The following GPM6A variants were observed in gnomAD, a reference collection of about 807,000 sequenced individuals.
The protein encoded by GPM6A is glycoprotein M6A, also known as neuronal membrane glycoprotein M6-a.
A neutral mutation model predicts 32.1 loss-of-function variants in GPM6A; 7 were observed. The observed-to-expected ratio is 0.22, with a 90% CI of 0.12 to 0.41. The LOEUF (loss-of-function observed/expected upper bound fraction) is 0.41, where lower values mean the gene tolerates loss of function less well. GPM6A is among the 10% of genes least tolerant of loss of function. The probability of loss-of-function intolerance (pLI) is 1.00; values close to 1 mark genes in which losing one functional copy is unlikely to be tolerated. For missense variants in GPM6A, 235 were observed against 347.2 expected, an observed-to-expected ratio of 0.68 and a Z score of 2.57; for synonymous variants, 130 against 123.4, an observed-to-expected ratio of 1.05 and a Z score of -0.35.
At chr4:175,873,661 C>T (rs1221939761) in intron 1 of GPM6A, among the ~76,000 whole-genome samples, 2 of 152,090 alleles carry the variant, frequency 1.3e-5, no homozygotes, top group African/African-American at 4.8e-5. Context: ...TTACAAAAAA[C>T]TTTGTTCTCC....
chr4:175,871,855 ATTTTATTTC>A (rs1736921313), intron 1 of GPM6A, among the ~76,000 whole-genome samples: 1 of 152,172 alleles, frequency 6.6e-6, no homozygotes. Context: ...GAAATAAAAA[ATTTTATTTC>A]TTTTTTTTCC....
At chr4:175,706,399 C>A (rs1288882517) in intron 1 of GPM6A, among the ~76,000 whole-genome samples, 4 of 151,982 alleles carry the variant, frequency 2.6e-5, no homozygotes, top group African/African-American at 9.7e-5. Flanking sequence ...GAACCTAAAC[C>A]AATAAGAAAA....
chr4:175,721,148 A>AATATATATATATAT (rs3032644), intron 1 of GPM6A, among the ~76,000 whole-genome samples: 9,264 of 134,780 alleles, frequency 0.069, 407 homozygotes, highest in Non-Finnish European at 0.095. Flanking sequence ...TATATATTCT[A>AATATATATATATAT]ATATATATAT....
At chr4:175,970,505 G>T (rs543216508) in intron 1 of GPM6A, among the ~76,000 whole-genome samples, 1 of 152,280 alleles carries the variant, frequency 6.6e-6, no homozygotes, top group Non-Finnish European at 1.5e-5. Context: ...ACTGACAAAC[G>T]TTTATAAAAT....
intron 2 of GPM6A, among the ~76,000 whole-genome samples, chr4:175,681,547 G>T (rs912594778): frequency 1.3e-5 from 2 of 152,062 alleles, no homozygotes; most frequent in African/African-American, 4.8e-5. Flanking sequence ...CATGTTGATT[G>T]TAATCCCCAA....
intron 1 of GPM6A, among the ~76,000 whole-genome samples, chr4:175,987,528 G>GTA (rs995814235): frequency 6.9e-6 from 1 of 144,982 alleles, no homozygotes; most frequent in African/African-American, 2.7e-5. Flanking sequence ...GTGTGTTTGT[G>GTA]TGTGTGTGTG....
chr4:175,780,775 C>T (rs1733585973), intron 1 of GPM6A, among the ~76,000 whole-genome samples: 1 of 152,140 alleles, frequency 6.6e-6, no homozygotes, highest in Admixed American at 6.5e-5. Flanking sequence ...ACTAATTTAA[C>T]AATCAGTCCC....
chr4:175,901,517 C>G (rs1180778003), intron 1 of GPM6A, among the ~76,000 whole-genome samples: 1 of 151,346 alleles, frequency 6.6e-6, no homozygotes, highest in Non-Finnish European at 1.5e-5. Flanking sequence ...GAATTAAACA[C>G]CAAAGGTTAG....
intron 1 of GPM6A, among the ~76,000 whole-genome samples, chr4:175,892,858 C>T (rs1737687897): frequency 6.6e-6 from 1 of 152,120 alleles, no homozygotes; most frequent in African/African-American, 2.4e-5. Flanking sequence ...GATTTTCTTC[C>T]AGGGTTTCAA....
At chr4:175,760,576 A>T (rs1276909398) in intron 1 of GPM6A, among the ~76,000 whole-genome samples, 1 of 152,226 alleles carries the variant, frequency 6.6e-6, no homozygotes, top group South Asian at 2.1e-4. Context: ...TCAAATGCAG[A>T]TTATAAAGAT....
At chr4:175,880,234 C>A (rs1737226581) in intron 1 of GPM6A, among the ~76,000 whole-genome samples, 1 of 152,130 alleles carries the variant, frequency 6.6e-6, no homozygotes, top group South Asian at 2.1e-4. Context: ...CTGTTCTGTT[C>A]CATTGGTGTA....
At chr4:175,991,178 G>A (rs530000543) in intron 1 of GPM6A, among the ~76,000 whole-genome samples, 4 of 147,410 alleles carry the variant, frequency 2.7e-5, no homozygotes, top group South Asian at 4.3e-4. Context: ...CGATTCTCCT[G>A]CCTCAGCCTC....
chr4:175,902,239 C>CA (rs1381699855), intron 1 of GPM6A, among the ~76,000 whole-genome samples: 14 of 151,996 alleles, frequency 9.2e-5, no homozygotes, highest in African/African-American at 3.1e-4. Flanking sequence ...AAAAGCTGAA[C>CA]AAAAAGAATA....
intron 1 of GPM6A, among the ~76,000 whole-genome samples, chr4:175,928,570 G>C (rs959230559): frequency 2.6e-5 from 4 of 152,154 alleles, no homozygotes; most frequent in African/African-American, 9.7e-5. Flanking sequence ...CAAAAGAGGA[G>C]TGTATTGCAG....
intron 1 of GPM6A, among the ~76,000 whole-genome samples, chr4:175,896,372 A>G (rs144061671): frequency 6.6e-6 from 1 of 152,258 alleles, no homozygotes; most frequent in East Asian, 1.9e-4. Flanking sequence ...TAAATGCACC[A>G]GAAAATTATC....
intron 1 of GPM6A, among the ~76,000 whole-genome samples, chr4:175,953,685 T>C (rs1739892548): frequency 6.6e-6 from 1 of 152,034 alleles, no homozygotes; most frequent in South Asian, 2.1e-4. Context: ...GCGGATCACC[T>C]AAGGTCGGGA....
chr4:175,696,086 T>C (rs999749046), intron 2 of GPM6A, among the ~76,000 whole-genome samples: 1 of 152,160 alleles, frequency 6.6e-6, no homozygotes, highest in African/African-American at 2.4e-5. Flanking sequence ...GTAGATGTCA[T>C]TATTATCATA....
chr4:175,672,452 A>G lies in GPM6A; in HGVS notation c.387+1228T>C, dbSNP rs1209481253. On this transcript the variant is annotated intron_variant, in intron 3 of 6. Transcript: ENST00000393658. The stretch of plus-strand genomic sequence containing the variant: ...TATATAACTCAATTCACTATACTCT[A>G]TTGACAGAAGGGAAATGAATCTTAA... Among the ~76,000 whole-genome samples the G allele has an allele frequency of 2.6e-5, 4 of 152,194 alleles. No homozygotes were observed. In the East Asian group the frequency reaches 7.7e-4, roughly 29 times the overall value.
intron 6 of GPM6A, among the ~76,000 whole-genome samples, chr4:175,637,302 T>TA (rs1740746489): frequency 9.1e-5 from 4 of 43,870 alleles, no homozygotes; most frequent in Non-Finnish European, 1.6e-4. Flanking sequence ...ATATATTATA[T>TA]ATTATATATA....
Sources: gnomAD v4.1 joint callset for allele counts (sites outside exome capture counted in the v4.1 genomes callset) on GRCh38, gnomAD v4.1.1 for gene constraint, MANE v1.5 for transcripts, NCBI Gene and HGNC (gene_info 2026-07-23, HGNC 2026-07-21) for gene names.